The following RBMS1 variants were observed in gnomAD, a reference collection of about 807,000 sequenced individuals.
RBMS1 encodes RNA-binding motif, single-stranded-interacting protein 1.
RBMS1 carries 17 observed loss-of-function variants against 62.3 expected under a neutral mutation model. The observed-to-expected ratio is 0.27, with a 90% CI of 0.19 to 0.41. The LOEUF is 0.41. RBMS1 is among the 10% of genes least tolerant of loss of function. The pLI is 1.00. For missense variants in RBMS1, 334 were observed against 504.5 expected (o/e 0.66, Z 3.24); for synonymous variants, 172 against 170.0 (o/e 1.01, Z -0.09).
chr2:160,373,633 T>C (rs996773798), intron 1 of RBMS1, among the ~76,000 whole-genome samples: 3 of 152,150 alleles, frequency 2.0e-5, no homozygotes, highest in African/African-American at 7.2e-5. Flanking sequence ...ATAAGGGGTA[T>C]GGGTGTGTGA....
At chr2:160,358,690 C>T (rs1269709987) in intron 2 of RBMS1, among the ~76,000 whole-genome samples, 9 of 152,056 alleles carry the variant, frequency 5.9e-5, no homozygotes, top group East Asian at 1.9e-4. Flanking sequence ...AATGCATTTT[C>T]TATAAGTAAC....
chr2:160,276,276 AG>A (rs1248790615), intron 12 of RBMS1, among the ~76,000 whole-genome samples: 1 of 152,140 alleles, frequency 6.6e-6, no homozygotes, highest in African/African-American at 2.4e-5. Context: ...ATTGCAGGTA[AG>A]GAATTGTAGG....
chr2:160,391,706 A>G (rs1244307382), intron 1 of RBMS1, among the ~76,000 whole-genome samples: 1 of 152,248 alleles, frequency 6.6e-6, no homozygotes, highest in Admixed American at 6.5e-5. Flanking sequence ...GGCTGGGCAC[A>G]GTGGCTCATG....
intron 4 of RBMS1, among the ~76,000 whole-genome samples, chr2:160,305,031 T>G (rs1689426150): frequency 6.6e-6 from 1 of 152,138 alleles, no homozygotes; most frequent in Non-Finnish European, 1.5e-5. Context: ...ATTTTTGTAT[T>G]TTTAGTAGAG....
intron 1 of RBMS1, among the ~76,000 whole-genome samples, chr2:160,491,193 T>C (rs1307624892): frequency 6.6e-6 from 1 of 152,188 alleles, no homozygotes; most frequent in Non-Finnish European, 1.5e-5. Flanking sequence ...AGATGTCCCC[T>C]TCTGAGATAA....
chr2:160,275,727 A>C lies in RBMS1; in HGVS notation c.1144-13T>G. Reference sequence around the variant, plus strand: ...GACCACTTGCCTCCTACAACAAACAAAGCAGAATGGATGAGACATGTTAGT... The same window carrying C: ...GACCACTTGCCTCCTACAACAAACACAGCAGAATGGATGAGACATGTTAGT... On this transcript the variant is annotated splice_polypyrimidine_tract_variant and intron_variant, in intron 12 of 13. Transcript: ENST00000348849. 6.2e-7 allele frequency: 1 copy of C among 1,613,548 alleles called. No individual in the cohort carries two copies. The highest frequency in any genetic ancestry group is 1.3e-5 in the African/African-American group (1 of 75,016).
chr2:160,295,020 GAA>G (rs80278281), intron 6 of RBMS1, among the ~76,000 whole-genome samples: 4 of 120,226 alleles, frequency 3.3e-5, no homozygotes, highest in Non-Finnish European at 3.6e-5. Context: ...ATGTATACAA[GAA>G]AAAAAAAAAA....
At chr2:160,311,236 A>ATATATATC (rs1553505446) in intron 4 of RBMS1, among the ~76,000 whole-genome samples, 4 of 60,720 alleles carry the variant, frequency 6.6e-5, no homozygotes, top group Non-Finnish European at 1.4e-4. Context: ...ATCTATCTAT[A>ATATATATC]TATATATATA....
chr2:160,452,288 G>C (rs1684024460), intron 1 of RBMS1, among the ~76,000 whole-genome samples: 1 of 152,184 alleles, frequency 6.6e-6, no homozygotes, highest in Admixed American at 6.5e-5. Flanking sequence ...GGGCTATCAT[G>C]GTGAGCTAAT....
At position 160,443,896 on chromosome 2, in the gene RBMS1, G is replaced by A. The variant is rs181165084; in HGVS notation, c.75+49393C>T. Among the ~76,000 whole-genome samples, 50 of 152,216 alleles carry A rather than the reference G, an allele frequency of 3.3e-4. 2 individuals are homozygous for A. In the Middle Eastern group the frequency reaches 0.031, roughly 93 times the overall value. On this transcript the variant is annotated intron_variant, in intron 1 of 13. Transcript: ENST00000348849. ...TACTTGTAGAGTTTCTGTACTTGTA[G>A]TACTTGTACTTCTGTACTTCTGTAC...
chr2:160,344,512 T>C (rs771578088), intron 2 of RBMS1, among the ~76,000 whole-genome samples: 2 of 152,164 alleles, frequency 1.3e-5, no homozygotes, highest in Admixed American at 1.3e-4. Context: ...TCATTCTTAA[T>C]GAACACTTTA....
At chr2:160,312,890 T>A (rs981380162) in intron 4 of RBMS1, among the ~76,000 whole-genome samples, 5 of 152,050 alleles carry the variant, frequency 3.3e-5, no homozygotes, top group African/African-American at 1.2e-4. Flanking sequence ...AATATGCTGC[T>A]ATTTCTCAAT....
chr2:160,352,062 A>G (rs1297086994), intron 2 of RBMS1, among the ~76,000 whole-genome samples: 1 of 152,140 alleles, frequency 6.6e-6, no homozygotes, highest in Non-Finnish European at 1.5e-5. Flanking sequence ...CAGAGCTGCT[A>G]ATGTTGGATG....
chr2:160,354,515 C>G (rs1422242689), intron 2 of RBMS1, among the ~76,000 whole-genome samples: 1 of 152,124 alleles, frequency 6.6e-6, no homozygotes, highest in East Asian at 1.9e-4. Context: ...TGGAAGCCCA[C>G]TTGGAAAGCA....
chr2:160,450,564 G>GAAAAAAAAAAAAAAAAAAAAAAAAAAAA (rs1181640365), intron 1 of RBMS1, among the ~76,000 whole-genome samples: 1 of 56,580 alleles, frequency 1.8e-5, no homozygotes, highest in Non-Finnish European at 3.1e-5. Flanking sequence ...AATAAAAAAT[G>GAAAAAAAAAAAAAAAAAAAAAAAAAAAA]AAAAAAAAAA....
At chr2:160,483,236 A>C (rs1488525330) in intron 1 of RBMS1, among the ~76,000 whole-genome samples, 1 of 152,202 alleles carries the variant, frequency 6.6e-6, no homozygotes, top group East Asian at 1.9e-4. Flanking sequence ...GGTAAAGAAT[A>C]ATTAGTATTC....
chr2:160,426,447 TC>T (rs1299386801), intron 1 of RBMS1, among the ~76,000 whole-genome samples: 1 of 152,122 alleles, frequency 6.6e-6, no homozygotes, highest in Admixed American at 6.5e-5. Flanking sequence ...ACATGCTCCC[TC>T]TCCCTCAACA....
At chr2:160,420,902 TG>T (rs1450754642) in intron 1 of RBMS1, among the ~76,000 whole-genome samples, 1 of 152,212 alleles carries the variant, frequency 6.6e-6, no homozygotes, top group Non-Finnish European at 1.5e-5. Flanking sequence ...TAAGAAGGTT[TG>T]GAAATGATTC....
At chr2:160,438,927 C>A (rs1489713306) in intron 1 of RBMS1, among the ~76,000 whole-genome samples, 3 of 151,008 alleles carry the variant, frequency 2.0e-5, no homozygotes, top group African/African-American at 7.3e-5. Flanking sequence ...GGGCGGCTGG[C>A]CGGGCAGAGG....
Sources: gnomAD v4.1 joint callset for allele counts (sites outside exome capture counted in the v4.1 genomes callset) on GRCh38, gnomAD v4.1.1 for gene constraint, MANE v1.5 for transcripts, NCBI Gene and HGNC (gene_info 2026-07-23, HGNC 2026-07-21) for gene names.